C2orf80: variants seen among roughly 807,000 people sequenced by gnomAD.
The protein encoded by C2orf80 is uncharacterized protein C2orf80.
Under a neutral mutation model 30.2 loss-of-function variants are expected in C2orf80, and 28 were observed. The ratio of observed to expected loss-of-function variants is 0.93; its 90% CI spans 0.69 to 1.27. The LOEUF is 1.27. C2orf80 is among the 50% of genes most tolerant of loss of function. C2orf80 has a pLI of 0.00. For synonymous variants in C2orf80, 80 were observed against 76.4 expected (o/e 1.05, Z -0.24); for missense variants, 220 against 231.0 (o/e 0.95, Z 0.31).
intron 6 of C2orf80, among the ~76,000 whole-genome samples, chr2:208,180,404 C>T (rs192906579): frequency 7.8e-4 from 118 of 151,422 alleles, no homozygotes; most frequent in African/African-American, 2.5e-3. Context: ...GAGCCGAGAT[C>T]GCACCACTAT....
intron 8 of C2orf80, among the ~76,000 whole-genome samples, chr2:208,169,985 C>T (rs939229436): frequency 2.0e-5 from 3 of 152,102 alleles, no homozygotes; most frequent in African/African-American, 7.2e-5. Context: ...CTGAATAAAT[C>T]CTAAGCCTCA....
At position 208,181,286 on chromosome 2, in the gene C2orf80, T is replaced by C; in HGVS notation, c.226A>G (p.Arg76Gly). The C allele has an allele frequency of 6.2e-7, 1 of 1,609,020 alleles. No homozygotes were observed. The change falls in exon 5 of 9, where the codon AGA becomes GGA. Residue 76 changes from arginine (R) to glycine (G), a missense_variant. Arg to Gly is a moderately radical substitution (Grantham distance 125). Coordinates refer to ENST00000341287, the MANE Select transcript of C2orf80 (RefSeq NM_001099334.3). ...TCTCTACGATTTGGATATATGGGTC[T>C]GCCATGGAGTGGTATTTTCCTAATG... ...WEELKIPLHG[R>G]PIYPNRRERE...
intron 6 of C2orf80, among the ~76,000 whole-genome samples, chr2:208,174,785 G>T (rs76031922): frequency 0.034 from 5,219 of 152,276 alleles, 153 homozygotes; most frequent in Middle Eastern, 0.058. Flanking sequence ...CAGACGCCGG[G>T]GTCCGGCTGC....
intron 6 of C2orf80, among the ~76,000 whole-genome samples, chr2:208,175,142 C>T (rs775534381): frequency 2.0e-5 from 3 of 149,902 alleles, no homozygotes; most frequent in Non-Finnish European, 4.4e-5. Context: ...AAAAAGTAGC[C>T]GTGCGCAGTG....
chr2:208,175,287 TC>T (rs911696867), intron 6 of C2orf80, among the ~76,000 whole-genome samples: 7 of 151,130 alleles, frequency 4.6e-5, no homozygotes, highest in African/African-American at 7.3e-5. Context: ...AGAGTGAGAC[TC>T]TGTCTTAAAA....
chr2:208,169,364 C>T (rs1003605298), intron 8 of C2orf80, among the ~76,000 whole-genome samples: 9 of 151,106 alleles, frequency 6.0e-5, no homozygotes, highest in African/African-American at 1.2e-4. Flanking sequence ...TGCTTCCAAA[C>T]ACGTATAAAA....
In C2orf80 at chr2:208,181,268, G is replaced by A. The variant is rs987661802; in HGVS notation, c.244C>T (p.Arg82Cys). 1.7e-5 allele frequency: 27 copies of A among 1,610,926 alleles called. No individual in the cohort carries two copies. The highest frequency in any genetic ancestry group is 2.2e-5 in the Non-Finnish European group (26 of 1,177,418). Reference sequence around the variant, plus strand: ...AAAATCATAGCTTCTCGTTCTCTACGATTTGGATATATGGGTCTGCCATGG... The same window carrying A: ...AAAATCATAGCTTCTCGTTCTCTACAATTTGGATATATGGGTCTGCCATGG... ...PLHGRPIYPN[R>C]REREAMILSS... is the part of the protein sequence containing the mutation. Residue 82 changes from arginine (R) to cysteine (C), a missense_variant, in exon 5 of 9, where the codon CGT becomes TGT. Transcript: ENST00000341287.
intron 8 of C2orf80, among the ~76,000 whole-genome samples, chr2:208,167,678 G>A (rs1227860125): frequency 6.6e-6 from 1 of 151,936 alleles, no homozygotes; most frequent in Non-Finnish European, 1.5e-5. Context: ...CTGGGTTCAA[G>A]CAATTCTCAT....
At chr2:208,171,649 G>A (rs1038943306) in intron 7 of C2orf80, among the ~76,000 whole-genome samples, 1 of 152,048 alleles carries the variant, frequency 6.6e-6, no homozygotes, top group African/African-American at 2.4e-5. Flanking sequence ...GTTTCACTAA[G>A]TTTCCCAGGC....
chr2:208,189,681 G>A (rs551009318), intron 1 of C2orf80, among the ~76,000 whole-genome samples: 8 of 152,284 alleles, frequency 5.3e-5, no homozygotes, highest in Non-Finnish European at 7.3e-5. Flanking sequence ...GAGCTCTAAA[G>A]AAAACAAGAC....
intron 6 of C2orf80, among the ~76,000 whole-genome samples, chr2:208,173,113 C>T (rs1339706306): frequency 5.3e-5 from 3 of 57,038 alleles, no homozygotes; most frequent in Non-Finnish European, 9.1e-5. Context: ...GAGTTAAAAC[C>T]TCATCTCAAA....
At position 208,175,553 on chromosome 2, in the gene C2orf80, A is replaced by G. The variant is rs1696260964; in HGVS notation, c.367-3478T>C. On this transcript the variant is annotated intron_variant, in intron 6 of 8. Transcript: ENST00000341287. ...CCCGGAGAAAGCCATCCAGCCTAGC[A>G]CAGTACCCATATTGTGTCATGCGGC... 2.6e-5 allele frequency among the ~76,000 whole-genome samples: 4 copies of G among 152,240 alleles called. No individual in the cohort carries two copies. The South Asian group carries it at 8.3e-4, about 32-fold the overall frequency.
intron 6 of C2orf80, among the ~76,000 whole-genome samples, chr2:208,179,069 T>C (rs1351814862): frequency 1.3e-5 from 2 of 152,114 alleles, no homozygotes; most frequent in Non-Finnish European, 2.9e-5. Flanking sequence ...TGCAAAAAAG[T>C]TTTTAAAAAG....
At position 208,187,024 on chromosome 2, in the gene C2orf80, A is replaced by G; in HGVS notation, c.-38T>C. The G allele has an allele frequency of 6.2e-7, 1 of 1,606,436 alleles. No individual in the cohort carries two copies. The highest frequency in any genetic ancestry group is 8.5e-7 in the Non-Finnish European group (1 of 1,173,048). Reference sequence around the variant, plus strand: ...GCCAGCTGAGCAGGTATCTGCAGCTAACACTACACTTAGACCCAGCTTCTC... The same window carrying G: ...GCCAGCTGAGCAGGTATCTGCAGCTGACACTACACTTAGACCCAGCTTCTC... On this transcript the variant is annotated 5_prime_UTR_variant, in exon 2 of 9. Transcript: ENST00000341287.
intron 6 of C2orf80, among the ~76,000 whole-genome samples, chr2:208,173,895 A>G (rs1490153391): frequency 6.6e-6 from 1 of 152,072 alleles, no homozygotes; most frequent in Non-Finnish European, 1.5e-5. Context: ...ATATATTGGT[A>G]AGTGTTCATT....
intron 6 of C2orf80, among the ~76,000 whole-genome samples, chr2:208,180,175 G>T (rs1696508725): frequency 6.6e-6 from 1 of 152,074 alleles, no homozygotes; most frequent in South Asian, 2.1e-4. Context: ...GCAGAGGTTG[G>T]CATGGTGGCT....
At chr2:208,185,629 G>A (rs946350482) in intron 2 of C2orf80, among the ~76,000 whole-genome samples, 25 of 152,056 alleles carry the variant, frequency 1.6e-4, no homozygotes, top group African/African-American at 1.9e-4. Context: ...GTGCTACCCC[G>A]GGAATGTGAC....
intron 1 of C2orf80, among the ~76,000 whole-genome samples, chr2:208,187,597 G>T (rs1402864900): frequency 6.6e-6 from 1 of 151,972 alleles, no homozygotes; most frequent in Non-Finnish European, 1.5e-5. Flanking sequence ...CAGGTGATGG[G>T]GTCAAAAGGA....
At chr2:208,173,144 A>C (rs11695724) in intron 6 of C2orf80, among the ~76,000 whole-genome samples, 71,929 of 130,964 alleles carry the variant, frequency 0.55, 20,124 homozygotes, top group Non-Finnish European at 0.65. Context: ...AAAAAAAAAA[A>C]CTCAAGTGCC....
Sources: allele counts gnomAD v4.1 joint callset (sites outside exome capture counted in the v4.1 genomes callset), GRCh38; gene constraint gnomAD v4.1.1; transcripts MANE v1.5; gene names NCBI Gene and HGNC (gene_info 2026-07-23, HGNC 2026-07-21).